NPSR1: variants seen among roughly 807,000 people sequenced by gnomAD.
NPSR1 encodes the protein neuropeptide S receptor 1.
NPSR1 carries 48 observed loss-of-function variants against 46.9 expected under a neutral mutation model. The ratio of observed to expected loss-of-function variants is 1.02; its 90% CI spans 0.81 to 1.30. The LOEUF is 1.30. Ranked by LOEUF, NPSR1 falls within the 50% of genes most tolerant of loss-of-function variation. The pLI is 0.00. For synonymous variants in NPSR1, 176 were observed against 168.1 expected, an observed-to-expected ratio of 1.05 and a Z score of -0.36; for missense variants, 450 against 449.5, an observed-to-expected ratio of 1.00 and a Z score of -0.01.
intron 3 of NPSR1, among the ~76,000 whole-genome samples, chr7:34,780,854 C>G (rs1220975582): frequency 6.6e-6 from 1 of 152,070 alleles, no homozygotes; most frequent in Admixed American, 6.6e-5. Flanking sequence ...CAGAACTCAC[C>G]CACTGTGAAA....
intron 3 of NPSR1, among the ~76,000 whole-genome samples, chr7:34,803,097 G>A (rs879797159): frequency 2.7e-5 from 4 of 150,472 alleles, no homozygotes; most frequent in Admixed American, 2.6e-4. Context: ...GGAGAAATAG[G>A]AACACTTTTA....
chr7:34,808,701 A>G (rs189098443), intron 3 of NPSR1, among the ~76,000 whole-genome samples: 5 of 152,234 alleles, frequency 3.3e-5, no homozygotes, highest in South Asian at 4.1e-4. Context: ...TCCTTCTTAT[A>G]TATCTGAGAA....
At chr7:34,798,583 A>G (rs1052301756) in intron 3 of NPSR1, among the ~76,000 whole-genome samples, 2 of 152,168 alleles carry the variant, frequency 1.3e-5, no homozygotes, top group African/African-American at 4.8e-5. Context: ...AATTTAACTG[A>G]ACAGCTATCA....
chr7:34,706,973 T>G (rs1399445085), intron 2 of NPSR1, among the ~76,000 whole-genome samples: 1 of 152,156 alleles, frequency 6.6e-6, no homozygotes, highest in Admixed American at 6.5e-5. Context: ...CCATGTTCAT[T>G]GAGAAAATCA....
chr7:34,782,917 A>C (rs1035494806), intron 3 of NPSR1, among the ~76,000 whole-genome samples: 1 of 152,152 alleles, frequency 6.6e-6, no homozygotes, highest in Non-Finnish European at 1.5e-5. Flanking sequence ...AAAACAAAGA[A>C]TTAAAGAGAG....
intron 8 of NPSR1, among the ~76,000 whole-genome samples, chr7:34,866,180 T>C (rs983731856): frequency 6.6e-6 from 1 of 151,780 alleles, no homozygotes; most frequent in African/African-American, 2.4e-5. Flanking sequence ...CCAAAACAGA[T>C]GAGGCAGAGG....
chr7:34,703,208 A>G (rs1451585954), intron 2 of NPSR1, among the ~76,000 whole-genome samples: 1 of 151,996 alleles, frequency 6.6e-6, no homozygotes, highest in Admixed American at 6.6e-5. Context: ...AAATACAAAA[A>G]ATCAGCCAGG....
intron 2 of NPSR1, among the ~76,000 whole-genome samples, chr7:34,773,234 C>T (rs2128734207): frequency 6.6e-6 from 1 of 152,286 alleles, no homozygotes; most frequent in Non-Finnish European, 1.5e-5. Context: ...GGACCCTAAA[C>T]TTTCAGAGCA....
chr7:34,875,166 C>T (rs1360375531), intron 8 of NPSR1, among the ~76,000 whole-genome samples: 7 of 152,214 alleles, frequency 4.6e-5, no homozygotes, highest in Admixed American at 4.6e-4. Context: ...TGGAACTCTT[C>T]ATGACAATGA....
chr7:34,732,362 G>C (rs548987477), intron 2 of NPSR1, among the ~76,000 whole-genome samples: 49 of 152,292 alleles, frequency 3.2e-4, no homozygotes, highest in African/African-American at 1.2e-3. Flanking sequence ...TCAAGAAGTT[G>C]CTCAACTTTC....
intron 2 of NPSR1, among the ~76,000 whole-genome samples, chr7:34,723,620 C>G (rs1323475043): frequency 6.6e-6 from 1 of 152,002 alleles, no homozygotes; most frequent in Non-Finnish European, 1.5e-5. Context: ...CTGGGATTTC[C>G]ATTTCAAATC....
chr7:34,807,222 C>T (rs138143101), intron 3 of NPSR1, among the ~76,000 whole-genome samples: 61 of 152,044 alleles, frequency 4.0e-4, no homozygotes, highest in African/African-American at 1.4e-3. Flanking sequence ...ATGTGATTTG[C>T]GTAAGTCTTA....
intron 2 of NPSR1, among the ~76,000 whole-genome samples, chr7:34,692,561 G>C (rs909928148): frequency 1.3e-5 from 2 of 152,078 alleles, no homozygotes; most frequent in African/African-American, 4.8e-5. Context: ...AGTTCTAAGA[G>C]AAAAGTTTAT....
chr7:34,792,548 C>CATAT (rs1180000608), intron 3 of NPSR1, among the ~76,000 whole-genome samples: 1 of 126,384 alleles, frequency 7.9e-6, no homozygotes, highest in Non-Finnish European at 1.7e-5. Flanking sequence ...TACACACACA[C>CATAT]ATATATATGT....
chr7:34,758,843 G>A (rs532293945), intron 2 of NPSR1, among the ~76,000 whole-genome samples: 3 of 152,034 alleles, frequency 2.0e-5, no homozygotes, highest in East Asian at 1.9e-4. Context: ...AAAAAACCCC[G>A]AATCATGTAT....
intron 8 of NPSR1, among the ~76,000 whole-genome samples, chr7:34,873,292 G>T (rs1170751917): frequency 2.0e-5 from 3 of 151,606 alleles, no homozygotes; most frequent in Non-Finnish European, 4.4e-5. Flanking sequence ...TCCAATCTCT[G>T]CCCATTACCC....
At position 34,740,259 on chromosome 7, in the gene NPSR1, G is replaced by A. The variant is rs957210010; in HGVS notation, c.281-38203G>A. 5.9e-5 allele frequency among the ~76,000 whole-genome samples: 9 copies of A among 151,828 alleles called. No individual in the cohort carries two copies. The East Asian group carries it at 9.7e-4, about 16-fold the overall frequency. On this transcript the variant is annotated intron_variant, in intron 2 of 8. Coordinates refer to ENST00000360581, the MANE Select transcript of NPSR1 (RefSeq NM_207172.2). ...GCCGGTCTCACTCCCACCATGCCCC[G>A]CCAACAGCACTGAGTTTGTTTCCAG...
At chr7:34,819,509 G>A (rs903003275) in intron 4 of NPSR1, among the ~76,000 whole-genome samples, 3 of 152,168 alleles carry the variant, frequency 2.0e-5, no homozygotes, top group Non-Finnish European at 2.9e-5. Flanking sequence ...ACAGTGTGGC[G>A]ATTCCTCAAG....
intron 3 of NPSR1, among the ~76,000 whole-genome samples, chr7:34,798,507 C>G (rs528613567): frequency 1.3e-4 from 20 of 152,272 alleles, no homozygotes; most frequent in African/African-American, 4.6e-4. Flanking sequence ...TACACTCCAG[C>G]CTGGGTGACA....
Sources: allele counts gnomAD v4.1 joint callset (sites outside exome capture counted in the v4.1 genomes callset), GRCh38; gene constraint gnomAD v4.1.1; transcripts MANE v1.5; gene names NCBI Gene and HGNC (gene_info 2026-07-23, HGNC 2026-07-21).